The following KLHL1 variants were observed in gnomAD, a reference collection of about 807,000 sequenced individuals.
The protein encoded by KLHL1 is kelch like family member 1.
KLHL1 carries 47 observed loss-of-function variants against 77.7 expected under a neutral mutation model. The observed-to-expected ratio is 0.60, with a 90% CI of 0.48 to 0.77. The LOEUF (loss-of-function observed/expected upper bound fraction) is 0.77, where lower values mean the gene tolerates loss of function less well. Among genes scored for constraint, KLHL1 ranks in the 30% least tolerant of loss-of-function variants. The probability of loss-of-function intolerance (pLI) is 0.00; values close to 1 mark genes in which losing one functional copy is unlikely to be tolerated. For synonymous variants in KLHL1, 360 were observed against 325.2 expected, an observed-to-expected ratio of 1.11 and a Z score of -1.15; for missense variants, 925 against 910.8, an observed-to-expected ratio of 1.02 and a Z score of -0.20.
chr13:69,769,817 C>CACGT (rs1219317016), intron 7 of KLHL1, among the ~76,000 whole-genome samples: 2 of 152,202 alleles, frequency 1.3e-5, no homozygotes, highest in East Asian at 3.9e-4. Context: ...CTCCGGTATT[C>CACGT]ACGTACCCTC....
At chr13:69,805,358 A>G (rs1877572840) in intron 6 of KLHL1, among the ~76,000 whole-genome samples, 1 of 151,984 alleles carries the variant, frequency 6.6e-6, no homozygotes, top group Admixed American at 6.6e-5. Flanking sequence ...AACTAATCTC[A>G]TTGAAATGAG....
intron 1 of KLHL1, among the ~76,000 whole-genome samples, chr13:70,073,832 C>T (rs7322696): frequency 0.61 from 76,296 of 125,814 alleles, 19,796 homozygotes; most frequent in East Asian, 0.76. Flanking sequence ...ACATAATTTT[C>T]TTTTTTTTTT....
chr13:69,968,140 C>A (rs1276902950), intron 2 of KLHL1, among the ~76,000 whole-genome samples: 1 of 151,754 alleles, frequency 6.6e-6, no homozygotes, highest in African/African-American at 2.4e-5. Flanking sequence ...CCACCCTGAT[C>A]AATCAGAAGC....
intron 8 of KLHL1, among the ~76,000 whole-genome samples, chr13:69,727,369 T>A (rs1235779008): frequency 6.6e-6 from 1 of 152,086 alleles, no homozygotes; most frequent in Non-Finnish European, 1.5e-5. Flanking sequence ...AAGTGAATAT[T>A]GAGCAGGAAA....
intron 2 of KLHL1, among the ~76,000 whole-genome samples, chr13:69,962,482 C>T (rs1389539677): frequency 6.6e-6 from 1 of 151,926 alleles, no homozygotes; most frequent in Non-Finnish European, 1.5e-5. Context: ...TTAAACAGTT[C>T]CTCTGTCACA....
chr13:69,799,058 C>T (rs1877258943), intron 6 of KLHL1, among the ~76,000 whole-genome samples: 1 of 151,500 alleles, frequency 6.6e-6, no homozygotes. Context: ...CACTGCACTC[C>T]AGCCTGGCAA....
At chr13:69,850,076 C>A (rs9592662) in intron 5 of KLHL1, among the ~76,000 whole-genome samples, 14,853 of 151,394 alleles carry the variant, frequency 0.098, 880 homozygotes, top group Non-Finnish European at 0.13. Flanking sequence ...TAGCAAAAAT[C>A]CATTACAGAA....
At chr13:69,732,442 G>T (rs1437695964) in intron 8 of KLHL1, among the ~76,000 whole-genome samples, 1 of 151,924 alleles carries the variant, frequency 6.6e-6, no homozygotes, top group Non-Finnish European at 1.5e-5. Context: ...GAAACATTTT[G>T]ATTTTTGAGG....
chr13:69,802,500 G>C (rs1877428132), intron 6 of KLHL1, among the ~76,000 whole-genome samples: 1 of 151,984 alleles, frequency 6.6e-6, no homozygotes. Flanking sequence ...AAAACTAAAA[G>C]GCAGAAATGC....
intron 3 of KLHL1, among the ~76,000 whole-genome samples, chr13:69,943,071 T>C (rs1393935691): frequency 6.6e-6 from 1 of 152,050 alleles, no homozygotes; most frequent in Admixed American, 6.6e-5. Flanking sequence ...TTCCCCTTTA[T>C]TAGATTATGG....
Position 70,103,280 on chromosome 13 carries a change from TA to T in KLHL1, c.497+3922del, listed in dbSNP as rs1887968656. Among the ~76,000 whole-genome samples, 4 of 151,996 alleles carry T rather than the reference TA, an allele frequency of 2.6e-5. No individual in the cohort carries two copies. The South Asian group carries it at 8.3e-4, about 32-fold the overall frequency. On this transcript the variant is annotated intron_variant, in intron 1 of 10. Transcript: ENST00000377844. ...GATATTAAGTCTGGAAAACAGAGGG[TA>T]AGGGGAAGGTTGGTAAGTGAATGGC...
intron 3 of KLHL1, among the ~76,000 whole-genome samples, chr13:69,953,988 A>C (rs1883792050): frequency 6.6e-6 from 1 of 151,280 alleles, no homozygotes; most frequent in East Asian, 1.9e-4. Context: ...CTCTCACTTA[A>C]AGACTATTAT....
intron 3 of KLHL1, among the ~76,000 whole-genome samples, chr13:69,959,668 TCCCCCCAAAGGCC>T (rs1884005529): frequency 6.7e-6 from 1 of 149,790 alleles, no homozygotes; most frequent in Non-Finnish European, 1.5e-5. Context: ...CTTTTTTTTT[TCCCCCCAAAGGCC>T]TGAACATTGT....
chr13:69,998,202 C>A lies in KLHL1; in HGVS notation c.498-22400G>T, dbSNP rs571167772. On this transcript the variant is annotated intron_variant, in intron 1 of 10. Transcript: ENST00000377844. Reference sequence around the variant, plus strand: ...AGTTCCAAAGCAAGAGAAGCCTCTGCTTTAGGTCTGAGATTTTGGACATGG... The same window carrying A: ...AGTTCCAAAGCAAGAGAAGCCTCTGATTTAGGTCTGAGATTTTGGACATGG... Among the ~76,000 whole-genome samples the A allele has an allele frequency of 2.0e-5, 3 of 152,184 alleles. No individual in the cohort carries two copies. In the East Asian group the frequency reaches 5.8e-4, roughly 29 times the overall value.
At chr13:69,881,919 A>G (rs115644429) in intron 5 of KLHL1, among the ~76,000 whole-genome samples, 1,919 of 152,268 alleles carry the variant, frequency 0.013, 45 homozygotes, top group African/African-American at 0.045. Flanking sequence ...CTTATATCAA[A>G]TAATTGACAG....
At chr13:70,052,512 C>T (rs896057929) in intron 1 of KLHL1, among the ~76,000 whole-genome samples, 8 of 151,468 alleles carry the variant, frequency 5.3e-5, no homozygotes, top group African/African-American at 1.9e-4. Flanking sequence ...CAAAATGAGG[C>T]CTTCTTAATT....
At chr13:69,950,307 CTAAT>C (rs929652238) in intron 3 of KLHL1, among the ~76,000 whole-genome samples, 7 of 151,598 alleles carry the variant, frequency 4.6e-5, no homozygotes, top group Non-Finnish European at 8.9e-5. Context: ...TAAAGCTACT[CTAAT>C]TACATATCCA....
chr13:70,094,141 G>C lies in KLHL1; in HGVS notation c.497+13062C>G, dbSNP rs778410722. On this transcript the variant is annotated intron_variant, in intron 1 of 10. Transcript: ENST00000377844. ...AAAGTACCCTCTTATCAGAGGTGAA[G>C]AGTTAGTCTTAAAGCATCCAGAAAC... Among the ~76,000 whole-genome samples the C allele has an allele frequency of 3.3e-5, 5 of 151,908 alleles. No individual in the cohort carries two copies. The East Asian group carries it at 9.7e-4, about 29-fold the overall frequency.
chr13:70,011,579 T>C (rs1465424955), intron 1 of KLHL1, among the ~76,000 whole-genome samples: 1 of 152,182 alleles, frequency 6.6e-6, no homozygotes, highest in Non-Finnish European at 1.5e-5. Flanking sequence ...TGGCTATTTG[T>C]TTCAAGTGAT....
Sources: allele counts gnomAD v4.1 joint callset (sites outside exome capture counted in the v4.1 genomes callset), GRCh38; gene constraint gnomAD v4.1.1; transcripts MANE v1.5; gene names NCBI Gene and HGNC (gene_info 2026-07-23, HGNC 2026-07-21).